The following MED13L variants were observed in gnomAD, a reference collection of about 807,000 sequenced individuals.
MED13L encodes mediator of RNA polymerase II transcription subunit 13-like.
In MED13L, 7 loss-of-function variants were observed where a neutral mutation model predicts 220.9. That is an observed-to-expected ratio of 0.03 (90% CI 0.02 to 0.06). MED13L has a LOEUF of 0.06. Among genes scored for constraint, MED13L ranks in the 10% least tolerant of loss-of-function variants. The probability of loss-of-function intolerance (pLI) is 1.00; values close to 1 mark genes in which losing one functional copy is unlikely to be tolerated. For synonymous variants in MED13L, 1,011 were observed against 1,015.2 expected (o/e 1.00, Z 0.08); for missense variants, 1,965 against 2,760.5 (o/e 0.71, Z 6.46).
At chr12:115,978,187 G>A (rs1250246023) in intron 23 of MED13L, among the ~76,000 whole-genome samples, 2 of 152,158 alleles carry the variant, frequency 1.3e-5, no homozygotes, top group African/African-American at 4.8e-5. Flanking sequence ...CCAAGGACTG[G>A]AGTGGGGAAT....
chr12:116,268,286 A>G (rs1872989164), intron 1 of MED13L, among the ~76,000 whole-genome samples: 1 of 152,204 alleles, frequency 6.6e-6, no homozygotes, highest in South Asian at 2.1e-4. Context: ...AAATACTAGG[A>G]GCTAGTTCCA....
intron 22 of MED13L, 32 bp from the exon 23 acceptor site, chr12:115,980,970 A>C (rs924958714): frequency 2.1e-5 from 34 of 1,585,896 alleles, no homozygotes; most frequent in Non-Finnish European, 2.9e-5. Flanking sequence ...AAAAACAAAA[A>C]CCAAAAACCT....
chr12:116,147,424 C>T (rs919500810), intron 2 of MED13L, among the ~76,000 whole-genome samples: 1 of 152,160 alleles, frequency 6.6e-6, no homozygotes, highest in Non-Finnish European at 1.5e-5. Flanking sequence ...TCAGACTCTT[C>T]ACATCATAAT....
At position 116,003,073 on chromosome 12, in the gene MED13L, T is replaced by C; in HGVS notation, c.2499A>G (p.Lys833=). 1 of 1,614,136 alleles carries C rather than the reference T, an allele frequency of 6.2e-7. No individual in the cohort carries two copies. The highest frequency in any genetic ancestry group is 8.5e-7 in the Non-Finnish European group (1 of 1,179,960). The change falls in exon 14 of 31, where the codon AAA becomes AAG. Residue 833 remains lysine (K), a synonymous_variant. Coordinates refer to ENST00000281928, the MANE Select transcript of MED13L (RefSeq NM_015335.5). The stretch of plus-strand genomic sequence containing the variant: ...GGTCTTCTGTCCCAACTGCAGGCAT[T>C]TTTGATGAGCGCAGAGCAGGTGATA... ...GAVSPALRSS[K]MPAVGTEDRP... is the part of the protein sequence containing the mutation.
At chr12:116,153,214 TAA>T (rs1878187632) in intron 2 of MED13L, among the ~76,000 whole-genome samples, 2 of 152,204 alleles carry the variant, frequency 1.3e-5, no homozygotes, top group Non-Finnish European at 1.5e-5. Context: ...ATGACCTGGT[TAA>T]AGAGTCTCTG....
intron 2 of MED13L, among the ~76,000 whole-genome samples, chr12:116,153,567 C>G (rs150768630): frequency 6.6e-4 from 100 of 152,210 alleles, no homozygotes; most frequent in African/African-American, 2.2e-3. Flanking sequence ...GTTGTGCCCC[C>G]TTAAAGGCCA....
rs1296906728 is a variant in MED13L at position 116,177,690 on chromosome 12, G to A, written c.310+59778C>T. 2.0e-5 allele frequency among the ~76,000 whole-genome samples: 3 copies of A among 151,978 alleles called. No individual in the cohort carries two copies. The East Asian group carries it at 5.8e-4, about 29-fold the overall frequency. On this transcript the variant is annotated intron_variant, in intron 2 of 30. Transcript: ENST00000281928. ...TCATTAATGATTATCTACCTGAATA[G>A]CTGTTATTAAAAACATACAAAAAGG...
chr12:116,005,829 T>C, intron 13 of MED13L, 40 bp downstream of exon 13: 2 of 1,612,334 alleles, frequency 1.2e-6, no homozygotes, highest in Admixed American at 1.7e-5. Flanking sequence ...AGTCCTTTCA[T>C]GTAGCGAAAT....
chr12:116,238,250 G>A (rs1870286866), intron 1 of MED13L, among the ~76,000 whole-genome samples: 1 of 152,152 alleles, frequency 6.6e-6, no homozygotes, highest in African/African-American at 2.4e-5. Flanking sequence ...CTGATACAAA[G>A]TTATCAGCAA....
intron 3 of MED13L, among the ~76,000 whole-genome samples, chr12:116,102,697 C>CTTTTTTT (rs200752610): frequency 9.6e-5 from 7 of 73,262 alleles, no homozygotes; most frequent in African/African-American, 1.3e-4. Context: ...TTTTCTTTTT[C>CTTTTTTT]TTTTTCTTTT....
At position 116,012,780 on chromosome 12, in the gene MED13L, C is replaced by T; in HGVS notation, c.1280+17G>A. The T allele has an allele frequency of 6.4e-7, 1 of 1,569,332 alleles. No homozygotes were observed. Among genetic ancestry groups the T allele is most frequent in the Non-Finnish European group, 8.8e-7 (1 of 1,139,408 alleles). On this transcript the variant is annotated intron_variant, in intron 9 of 30. Transcript: ENST00000281928. ...CATCATTCGATCCATTACTATTTTG[C>T]CTTTTTTATTACCTACCTGGAACAA... is the stretch of plus-strand genomic sequence containing the variant.
chr12:116,102,870 C>A (rs529796601), intron 3 of MED13L, among the ~76,000 whole-genome samples: 1 of 151,436 alleles, frequency 6.6e-6, no homozygotes, highest in Non-Finnish European at 1.5e-5. Context: ...TACAGACGCG[C>A]CCCACCACGC....
chr12:116,240,940 T>C (rs1451385137), intron 1 of MED13L, among the ~76,000 whole-genome samples: 3 of 152,186 alleles, frequency 2.0e-5, no homozygotes, highest in East Asian at 3.8e-4. Flanking sequence ...ACTAACTTCT[T>C]TTATCACCTA....
intron 2 of MED13L, among the ~76,000 whole-genome samples, chr12:116,215,445 C>T (rs1406725895): frequency 6.6e-6 from 1 of 152,190 alleles, no homozygotes; most frequent in Non-Finnish European, 1.5e-5. Context: ...ATCCTCTTAA[C>T]CTGCCTCTCT....
chr12:116,208,957 C>T (rs1257353477), intron 2 of MED13L, among the ~76,000 whole-genome samples: 8 of 151,492 alleles, frequency 5.3e-5, no homozygotes, highest in East Asian at 1.9e-4. Context: ...GGTGACAGAG[C>T]GAGACCCTGT....
chr12:116,192,148 G>GCC (rs1319811169), intron 2 of MED13L, among the ~76,000 whole-genome samples: 24 of 152,120 alleles, frequency 1.6e-4, no homozygotes, highest in African/African-American at 5.6e-4. Flanking sequence ...AAGGGTGGTG[G>GCC]CTTTTGCCTT....
chr12:116,031,559 T>G (rs2137491591), intron 4 of MED13L, among the ~76,000 whole-genome samples: 1 of 124,246 alleles, frequency 8.0e-6, no homozygotes, highest in South Asian at 2.7e-4. Context: ...GCCACTGCAC[T>G]CCAGCCTGGG....
intron 28 of MED13L, among the ~76,000 whole-genome samples, chr12:115,967,838 C>T (rs1592896058): frequency 6.6e-6 from 1 of 152,132 alleles, no homozygotes; most frequent in African/African-American, 2.4e-5. Flanking sequence ...CTATCACAAC[C>T]GTTTCCCATG....
intron 2 of MED13L, among the ~76,000 whole-genome samples, chr12:116,168,553 C>G (rs568387932): frequency 2.6e-5 from 4 of 152,190 alleles, no homozygotes; most frequent in African/African-American, 9.6e-5. Context: ...TCTCAGGTAC[C>G]AAGACACCAT....
Sources: allele counts gnomAD v4.1 joint callset (sites outside exome capture counted in the v4.1 genomes callset), GRCh38; gene constraint gnomAD v4.1.1; transcripts MANE v1.5; gene names NCBI Gene and HGNC (gene_info 2026-07-23, HGNC 2026-07-21).